Variants in TGFA observed in about 807,000 individuals in gnomAD.
The protein encoded by TGFA is protransforming growth factor alpha.
A neutral mutation model predicts 21.7 loss-of-function variants in TGFA; 12 were observed. That is an observed-to-expected ratio of 0.55 (90% CI 0.35 to 0.90). The LOEUF (loss-of-function observed/expected upper bound fraction) is 0.90. Ranked by LOEUF, TGFA falls within the 40% of genes least tolerant of loss-of-function variation. The pLI, the probability that TGFA is intolerant of heterozygous loss-of-function variation, is 0.01. For synonymous variants in TGFA, 79 were observed against 88.1 expected, an observed-to-expected ratio of 0.90 and a Z score of 0.58; for missense variants, 178 against 210.8, an observed-to-expected ratio of 0.84 and a Z score of 0.96.
intron 5 of TGFA, among the ~76,000 whole-genome samples, chr2:70,451,368 C>T (rs1670054007): frequency 6.6e-6 from 1 of 152,242 alleles, no homozygotes; most frequent in Non-Finnish European, 1.5e-5. Flanking sequence ...TCAGCTTAGC[C>T]TGGACATGTC....
At chr2:70,521,617 G>GTTTTTTTTTTTTTTTTTTTTTTTTTTT (rs35177436) in intron 1 of TGFA, among the ~76,000 whole-genome samples, 4 of 87,092 alleles carry the variant, frequency 4.6e-5, no homozygotes, top group Non-Finnish European at 6.2e-5. Context: ...TTGTTTGTTT[G>GTTTTTTTTTTTTTTTTTTTTTTTTTTT]TTTTTTTTTT....
chr2:70,454,610 G>T (rs1294954672), intron 4 of TGFA, among the ~76,000 whole-genome samples: 2 of 152,222 alleles, frequency 1.3e-5, no homozygotes, highest in African/African-American at 2.4e-5. Context: ...ATGGGATCAA[G>T]GCCTCTAGAT....
intron 1 of TGFA, among the ~76,000 whole-genome samples, chr2:70,526,155 A>G (rs1672628308): frequency 6.6e-6 from 1 of 152,188 alleles, no homozygotes; most frequent in African/African-American, 2.4e-5. Flanking sequence ...TTTACCTGGA[A>G]TGCTTTTTCC....
intron 2 of TGFA, among the ~76,000 whole-genome samples, chr2:70,473,193 G>T (rs1457110076): frequency 6.6e-6 from 1 of 152,150 alleles, no homozygotes; most frequent in Non-Finnish European, 1.5e-5. Flanking sequence ...GTTTACAAGG[G>T]TGGAACTCCA....
rs868923214 is a variant in TGFA, at chr2:70,480,637, A to G, written c.95-14901T>C. Reference sequence around the variant, plus strand: ...ATAACAGTGCCTCGCCACCCCCACCAACCACTTAAAAAGTTTCTCCATGAG... The same window carrying G: ...ATAACAGTGCCTCGCCACCCCCACCGACCACTTAAAAAGTTTCTCCATGAG... On this transcript the variant is annotated intron_variant, in intron 2 of 5. Coordinates refer to ENST00000295400, the MANE Select transcript of TGFA (RefSeq NM_003236.4). Among the ~76,000 whole-genome samples the G allele has an allele frequency of 7.2e-4, 109 of 152,172 alleles. 2 individuals are homozygous for G. The highest frequency in any genetic ancestry group is 1.9e-4 in the Non-Finnish European group (13 of 67,998).
intron 1 of TGFA, among the ~76,000 whole-genome samples, chr2:70,524,299 T>C (rs13432137): frequency 0.019 from 2,956 of 152,346 alleles, 93 homozygotes; most frequent in African/African-American, 0.068. Flanking sequence ...GTGCTTGCTC[T>C]CACCTGTGCA....
chr2:70,509,192 C>A (rs1672019534), intron 2 of TGFA, among the ~76,000 whole-genome samples: 2 of 152,264 alleles, frequency 1.3e-5, no homozygotes, highest in Admixed American at 1.3e-4. Flanking sequence ...AAAACATGAG[C>A]CTTCTAATTT....
intron 1 of TGFA, among the ~76,000 whole-genome samples, chr2:70,518,343 A>C (rs1672350237): frequency 6.6e-6 from 1 of 152,234 alleles, no homozygotes; most frequent in Admixed American, 6.5e-5. Flanking sequence ...CATGCAACGG[A>C]AGAAAACCCT....
Position 70,553,228 on chromosome 2 carries a change from C to T in TGFA, c.40+500G>A, listed in dbSNP as rs1553507105. 7.2e-6 allele frequency: 11 copies of T among 1,536,196 alleles called. No individual in the cohort carries two copies. In the South Asian group the frequency reaches 1.1e-4, roughly 15 times the overall value. ...TGAAAAGAGATCGAGGGCGCCTCTG[C>T]CGATCTTGAACATCTCTGCTCGTCG... On this transcript the variant is annotated intron_variant, in intron 1 of 5. Coordinates refer to ENST00000295400, the MANE Select transcript of TGFA (RefSeq NM_003236.4).
chr2:70,499,216 A>T (rs1574106123), intron 2 of TGFA, among the ~76,000 whole-genome samples: 3 of 152,312 alleles, frequency 2.0e-5, no homozygotes, highest in Admixed American at 2.0e-4. Context: ...CTCTATTTCT[A>T]GGTATATAGA....
intron 1 of TGFA, among the ~76,000 whole-genome samples, chr2:70,543,145 T>C (rs1199213505): frequency 6.6e-6 from 1 of 152,010 alleles, no homozygotes; most frequent in Non-Finnish European, 1.5e-5. Flanking sequence ...GAAGGGTTTT[T>C]TCCCTCTAAA....
At chr2:70,521,323 C>T (rs1343879514) in intron 1 of TGFA, among the ~76,000 whole-genome samples, 1 of 152,152 alleles carries the variant, frequency 6.6e-6, no homozygotes, top group Non-Finnish European at 1.5e-5. Flanking sequence ...ACCCCAGCTG[C>T]CCAGCACTGC....
rs184943814 is a variant in TGFA, at chr2:70,542,976, G to A, written c.40+10752C>T. On this transcript the variant is annotated intron_variant, in intron 1 of 5. Coordinates refer to ENST00000295400, the MANE Select transcript of TGFA (RefSeq NM_003236.4). ...AAATTAGCCGGGCGTAGTGGCGGGCGCCTGTAATCCCAGGTACTTGGGAGG... is the reference window on the plus strand; with the variant it reads ...AAATTAGCCGGGCGTAGTGGCGGGCACCTGTAATCCCAGGTACTTGGGAGG... Among the ~76,000 whole-genome samples, 487 of 151,630 alleles carry A rather than the reference G, an allele frequency of 3.2e-3. 5 individuals carry two copies. The highest frequency in any genetic ancestry group is 0.012 in the African/African-American group (476 of 41,388).
intron 5 of TGFA, 55 bp downstream of exon 5, chr2:70,453,163 A>G: frequency 6.8e-7 from 1 of 1,477,898 alleles, no homozygotes; most frequent in Non-Finnish European, 9.4e-7. Flanking sequence ...GACTTGGAGA[A>G]GGTGGTCGTT....
chr2:70,458,206 C>CG (rs767243789), intron 3 of TGFA, among the ~76,000 whole-genome samples: 1 of 152,088 alleles, frequency 6.6e-6, no homozygotes, highest in Non-Finnish European at 1.5e-5. Flanking sequence ...TCCTATGAGG[C>CG]GGAGGCGAAG....
chr2:70,466,049 A>G (rs886512720), intron 2 of TGFA, among the ~76,000 whole-genome samples: 7 of 152,252 alleles, frequency 4.6e-5, no homozygotes, highest in Non-Finnish European at 7.3e-5. Context: ...CACTTTTGCA[A>G]AGTGACAGTG....
chr2:70,533,672 A>AACTGTTT (rs1454553844), intron 1 of TGFA, among the ~76,000 whole-genome samples: 1 of 152,184 alleles, frequency 6.6e-6, no homozygotes, highest in Non-Finnish European at 1.5e-5. Flanking sequence ...GTTAACTGTT[A>AACTGTTT]ACAAATTAAC....
intron 1 of TGFA, among the ~76,000 whole-genome samples, chr2:70,538,832 G>C (rs1322818876): frequency 6.6e-6 from 1 of 152,196 alleles, no homozygotes; most frequent in Non-Finnish European, 1.5e-5. Context: ...TGAGAGGACT[G>C]ACTCCAAGTC....
At chr2:70,529,773 A>G (rs902493490) in intron 1 of TGFA, among the ~76,000 whole-genome samples, 2 of 152,214 alleles carry the variant, frequency 1.3e-5, no homozygotes, top group Non-Finnish European at 2.9e-5. Flanking sequence ...CATCTGATGC[A>G]TGTGACAGAA....
Sources: gnomAD v4.1 joint callset for allele counts (sites outside exome capture counted in the v4.1 genomes callset) on GRCh38, gnomAD v4.1.1 for gene constraint, MANE v1.5 for transcripts, NCBI Gene and HGNC (gene_info 2026-07-23, HGNC 2026-07-21) for gene names.